Variants in AEBP2 observed in about 807,000 individuals in gnomAD.
The protein encoded by AEBP2 is AE binding protein 2, also known as zinc finger protein AEBP2.
AEBP2 carries 10 observed loss-of-function variants against 50.8 expected under a neutral mutation model. That is an observed-to-expected ratio of 0.20 (90% confidence interval 0.12 to 0.33). AEBP2 has a LOEUF of 0.33. AEBP2 is among the 10% of genes least tolerant of loss of function. AEBP2 has a pLI of 1.00. For missense variants in AEBP2, 570 were observed against 688.0 expected, an observed-to-expected ratio of 0.83 and a Z score of 1.92; for synonymous variants, 296 against 261.3, an observed-to-expected ratio of 1.13 and a Z score of -1.28.
intron 1 of AEBP2, among the ~76,000 whole-genome samples, chr12:19,452,566 T>C (rs1020159653): frequency 1.3e-5 from 2 of 152,182 alleles, no homozygotes; most frequent in Non-Finnish European, 2.9e-5. Flanking sequence ...TTTTAACTTT[T>C]AATCCCTTTG....
chr12:19,423,570 G>A (rs2095746968), intron 1 of AEBP2, among the ~76,000 whole-genome samples: 1 of 152,112 alleles, frequency 6.6e-6, no homozygotes, highest in South Asian at 2.1e-4. Context: ...TATCAAGGTC[G>A]CAGGGGCAGG....
At chr12:19,441,866 G>C (rs1947966244) in intron 1 of AEBP2, among the ~76,000 whole-genome samples, 1 of 152,068 alleles carries the variant, frequency 6.6e-6, no homozygotes, top group Non-Finnish European at 1.5e-5. Flanking sequence ...TATAAAATCA[G>C]CGTTTTTCAT....
chr12:19,419,651 C>T (rs1041947659), intron 1 of AEBP2, among the ~76,000 whole-genome samples: 4 of 151,490 alleles, frequency 2.6e-5, no homozygotes, highest in South Asian at 2.1e-4. Context: ...AGCAGTCGGC[C>T]GGGCATGGCG....
intron 6 of AEBP2, 102 bp downstream of exon 6, chr12:19,512,567 T>TACATTTTA: frequency 1.2e-6 from 1 of 824,594 alleles, no homozygotes; most frequent in South Asian, 2.0e-5. Context: ...AAAAAGAAAT[T>TACATTTTA]ACATTTTACA....
At chr12:19,419,050 C>A in intron 1 of AEBP2, 1 of 166,642 alleles carries the variant, frequency 6.0e-6, no homozygotes, top group Non-Finnish European at 1.4e-5. Context: ...GTAGTGATCT[C>A]CTCACTCTTT....
upstream of AEBP2, among the ~76,000 whole-genome samples, chr12:19,438,785 T>C (rs915366905): frequency 2.0e-5 from 3 of 152,194 alleles, no homozygotes; most frequent in Non-Finnish European, 2.9e-5. Flanking sequence ...AAAACAATAT[T>C]TGGAAATTGT....
intron 5 of AEBP2, among the ~76,000 whole-genome samples, chr12:19,509,667 A>G (rs1949203711): frequency 6.6e-6 from 1 of 152,176 alleles, no homozygotes; most frequent in African/African-American, 2.4e-5. Flanking sequence ...AGAATACTCA[A>G]GGCTAGGAGA....
At chr12:19,437,228 A>T (rs1285955439), upstream of AEBP2, among the ~76,000 whole-genome samples, 2 of 152,128 alleles carry the variant, frequency 1.3e-5, no homozygotes, top group African/African-American at 2.4e-5. Context: ...TTGTACAATC[A>T]CATTTCTACA....
At chr12:19,460,723 C>T (rs1948360957) in intron 1 of AEBP2, among the ~76,000 whole-genome samples, 1 of 149,276 alleles carries the variant, frequency 6.7e-6, no homozygotes, top group South Asian at 2.1e-4. Context: ...GCCGCTATCT[C>T]TGCTCACAGC....
intron 1 of AEBP2, among the ~76,000 whole-genome samples, chr12:19,441,067 A>T (rs1947950337): frequency 6.6e-6 from 1 of 152,192 alleles, no homozygotes; most frequent in Non-Finnish European, 1.5e-5. Flanking sequence ...AACTTTGCGG[A>T]ATCAGAGAGT....
At chr12:19,492,076 T>A (rs925237209) in intron 3 of AEBP2, among the ~76,000 whole-genome samples, 6 of 152,194 alleles carry the variant, frequency 3.9e-5, no homozygotes, top group Non-Finnish European at 5.9e-5. Flanking sequence ...GATGAACTTT[T>A]ACAAGATGAA....
intron 1 of AEBP2, chr12:19,457,025 GCT>G (rs1199118656): frequency 6.2e-7 from 1 of 1,603,946 alleles, no homozygotes; most frequent in Non-Finnish European, 8.5e-7. Flanking sequence ...TTAAAACTTG[GCT>G]CCAGCATGTT....
intron 1 of AEBP2, among the ~76,000 whole-genome samples, chr12:19,412,170 G>A (rs1479378417): frequency 1.3e-5 from 2 of 152,208 alleles, no homozygotes; most frequent in African/African-American, 2.4e-5. Flanking sequence ...ACTCTCAGAG[G>A]CCCTGGAATC....
chr12:19,474,835 C>T lies in AEBP2; in HGVS notation c.987+1480C>T, dbSNP rs963958680. Among the ~76,000 whole-genome samples the T allele has an allele frequency of 5.9e-5, 9 of 151,894 alleles. No homozygotes were observed. In the South Asian group the frequency reaches 1.0e-3, roughly 18 times the overall value. On this transcript the variant is annotated intron_variant, in intron 3 of 7. Transcript: ENST00000266508. ...CAAGATGGAGTCTTGCTCTGTTGCC[C>T]GGGCTGGGGTACAGTGGCATGATCT...
At chr12:19,512,168 C>T (rs951342647) in intron 5 of AEBP2, among the ~76,000 whole-genome samples, 1 of 152,036 alleles carries the variant, frequency 6.6e-6, no homozygotes, top group Admixed American at 6.6e-5. Context: ...ACTGCAGAAG[C>T]CCACCACCAC....
intron 1 of AEBP2, among the ~76,000 whole-genome samples, chr12:19,458,416 C>T (rs577708479): frequency 2.6e-5 from 4 of 152,164 alleles, no homozygotes; most frequent in African/African-American, 9.7e-5. Flanking sequence ...CTTGAGTGTT[C>T]CAGGACGTGC....
intron 2 of AEBP2, among the ~76,000 whole-genome samples, chr12:19,471,448 G>A (rs1027215395): frequency 7.2e-5 from 11 of 151,978 alleles, no homozygotes; most frequent in African/African-American, 2.4e-4. Context: ...AAAATTGATA[G>A]CATTAATTAC....
intron 2 of AEBP2, among the ~76,000 whole-genome samples, chr12:19,472,131 A>G (rs1395166394): frequency 6.6e-6 from 1 of 152,192 alleles, no homozygotes; most frequent in African/African-American, 2.4e-5. Flanking sequence ...ATTGACCTCA[A>G]TTATTTGTTT....
intron 4 of AEBP2, among the ~76,000 whole-genome samples, chr12:19,498,162 G>A (rs1949014868): frequency 6.6e-6 from 1 of 152,112 alleles, no homozygotes; most frequent in Admixed American, 6.6e-5. Flanking sequence ...AGAGTGATGA[G>A]TTATTATTTT....
Sources: allele counts gnomAD v4.1 joint callset (sites outside exome capture counted in the v4.1 genomes callset), GRCh38; gene constraint gnomAD v4.1.1; transcripts MANE v1.5; gene names NCBI Gene and HGNC (gene_info 2026-07-23, HGNC 2026-07-21).